The following EIF2AK1 variants were observed in gnomAD, a reference collection of about 807,000 sequenced individuals.
EIF2AK1 encodes the protein eukaryotic translation initiation factor 2-alpha kinase 1.
In EIF2AK1, 54 loss-of-function variants were observed where a neutral mutation model predicts 77.9. The ratio of observed to expected loss-of-function variants is 0.69; its 90% CI spans 0.56 to 0.87. EIF2AK1 has a LOEUF of 0.87. Among genes scored for constraint, EIF2AK1 ranks in the 40% least tolerant of loss-of-function variants. The pLI is 0.00. For synonymous variants in EIF2AK1, 314 were observed against 290.5 expected (o/e 1.08, Z -0.82); for missense variants, 810 against 768.6 (o/e 1.05, Z -0.64).
chr7:6,040,860 C>T (rs780604293), intron 9 of EIF2AK1, 32 bp downstream of exon 9: 1 of 1,582,230 alleles, frequency 6.3e-7, no homozygotes, highest in African/African-American at 1.3e-5. Flanking sequence ...CCAATACTGG[C>T]CAAATTAGGA....
Position 6,035,901 on chromosome 7 carries a change from G to GTCAGCTGCATCCGTCTGCTACTCAC in EIF2AK1, c.1332+1498_1332+1522dup. ...AGCAGGCCGACTCCTCGGGGCGGGG[G>GTCAGCTGCATCCGTCTGCTACTCAC]TCAGCTGCATCCGTCTGCTACTCAC... is the stretch of plus-strand genomic sequence containing the variant. On this transcript the variant is annotated intron_variant, in intron 11 of 14. Transcript: ENST00000199389. The surrounding 1 kb of genome is among the most constrained non-coding windows in gnomAD (Gnocchi z 5.5). The GTCAGCTGCATCCGTCTGCTACTCAC allele has an allele frequency of 6.5e-7, 1 of 1,546,870 alleles. No individual in the cohort carries two copies. The highest frequency in any genetic ancestry group is 1.2e-5 in the South Asian group (1 of 83,508).
chr7:6,032,590 T>C lies in EIF2AK1; in HGVS notation c.1333-3558A>G, dbSNP rs1017332729. Among the ~76,000 whole-genome samples the C allele has an allele frequency of 3.3e-5, 5 of 152,238 alleles. No homozygotes were observed. The highest frequency in any genetic ancestry group is 4.4e-5 in the Non-Finnish European group (3 of 68,046). ...CAACTTTCAAAAATTTCCAAAGCTT[T>C]TGAGTGTTATTTCTGTTGCCTCAGT... On this transcript the variant is annotated intron_variant, in intron 11 of 14. Coordinates refer to ENST00000199389, the MANE Select transcript of EIF2AK1 (RefSeq NM_014413.4). The surrounding 1 kb of genome is among the most constrained non-coding windows in gnomAD (Gnocchi z 4.3).
In EIF2AK1 at chr7:6,023,550, C is replaced by T. The variant is rs998944405; in HGVS notation, c.*1123G>A. 1.9e-6 allele frequency: 3 copies of T among 1,614,248 alleles called. No homozygotes were observed. The highest frequency in any genetic ancestry group is 1.7e-5 in the Admixed American group (1 of 60,024). On this transcript the variant is annotated 3_prime_UTR_variant, in exon 15 of 15. Transcript: ENST00000199389. ...GCCCTTGGCTCGCTGGGAATGAACT[C>T]ACCGTAGCAGACGTGGTGCTGTGGT...
At chr7:6,041,375 C>T (rs1788292119) in intron 8 of EIF2AK1, among the ~76,000 whole-genome samples, 156 bp from the exon 9 acceptor site, 2 of 151,340 alleles carry the variant, frequency 1.3e-5, no homozygotes, top group South Asian at 4.2e-4. Context: ...CCCATCTCAA[C>T]TAAAAACACA....
rs1400491800 is a variant in EIF2AK1, at chr7:6,033,944, C to G, written c.1332+3480G>C. Among the ~76,000 whole-genome samples, 2 of 152,118 alleles carry G rather than the reference C, an allele frequency of 1.3e-5. No individual in the cohort carries two copies. Among genetic ancestry groups the G allele is most frequent in the African/African-American group, 4.8e-5 (2 of 41,420 alleles). On this transcript the variant is annotated intron_variant, in intron 11 of 14. Transcript: ENST00000199389. This position sits in a 1 kb window ranked among gnomAD's most constrained non-coding sequence, Gnocchi z 4.4. ...AAAGAGAAGTTGACCTTGTGCACCACTGTATCTCCAGCACCTCAACCAAAT... is the reference window on the plus strand; with the variant it reads ...AAAGAGAAGTTGACCTTGTGCACCAGTGTATCTCCAGCACCTCAACCAAAT...
At chr7:6,031,632 G>C (rs1210957083) in intron 11 of EIF2AK1, 1 of 1,541,690 alleles carries the variant, frequency 6.5e-7, no homozygotes, top group Non-Finnish European at 8.8e-7. Flanking sequence ...AAAAAAGTCA[G>C]GCTGCTTAGA....
At chr7:6,056,908 C>T (rs555989029) in intron 1 of EIF2AK1, among the ~76,000 whole-genome samples, 29 of 151,560 alleles carry the variant, frequency 1.9e-4, no homozygotes, top group African/African-American at 6.5e-4. Context: ...AGTTATTTGT[C>T]CATTAAAAAA....
chr7:6,051,371 A>T (rs575252741), intron 2 of EIF2AK1, among the ~76,000 whole-genome samples: 1 of 149,096 alleles, frequency 6.7e-6, no homozygotes, highest in East Asian at 2.0e-4. Flanking sequence ...TCCAGGGTTC[A>T]TGCGATTTTC....
chr7:6,039,463 T>C (rs75778451), intron 9 of EIF2AK1, among the ~76,000 whole-genome samples: 5,771 of 150,636 alleles, frequency 0.038, 376 homozygotes, highest in African/African-American at 0.13. Flanking sequence ...CTACTAAAAA[T>C]ACAAAAAAAT....
At position 6,050,089 on chromosome 7, in the gene EIF2AK1, T is replaced by C. The variant is rs1219119233; in HGVS notation, c.278-44A>G. The C allele has an allele frequency of 2.0e-6, 3 of 1,534,626 alleles. No individual in the cohort carries two copies. In the Admixed American group the frequency reaches 5.9e-5, roughly 30 times the overall value. ...AAACTATTATTAGAAACATCTTTAA[T>C]AAAATGGCAATTTTAAAGTGTACAC... On this transcript the variant is annotated intron_variant, in intron 2 of 14. Transcript: ENST00000199389.
At chr7:6,044,950 A>C (rs1445230855) in intron 6 of EIF2AK1, among the ~76,000 whole-genome samples, 1 of 152,140 alleles carries the variant, frequency 6.6e-6, no homozygotes, top group Admixed American at 6.6e-5. Flanking sequence ...GGTAAGCTAT[A>C]ATGTTCGGTA....
At position 6,035,860 on chromosome 7, in the gene EIF2AK1, G is replaced by T. The variant is rs960104087; in HGVS notation, c.1332+1564C>A. ...AACACGCCCCTGAAGCTTGCAGTGTGCACTGCATCAAGCAAAGCAGGCCGA... is the reference window on the plus strand; with the variant it reads ...AACACGCCCCTGAAGCTTGCAGTGTTCACTGCATCAAGCAAAGCAGGCCGA... On this transcript the variant is annotated intron_variant, in intron 11 of 14. Transcript: ENST00000199389. The surrounding 1 kb of genome is among the most constrained non-coding windows in gnomAD (Gnocchi z 5.5). The T allele has an allele frequency of 1.0e-5, 16 of 1,547,940 alleles. No individual in the cohort carries two copies. In the East Asian group the frequency reaches 3.7e-4, roughly 36 times the overall value.
chr7:6,038,168 G>A (rs1415712591), intron 10 of EIF2AK1, among the ~76,000 whole-genome samples: 2 of 152,150 alleles, frequency 1.3e-5, no homozygotes, highest in East Asian at 1.9e-4. Context: ...AGACGCTCAC[G>A]CCTATAATCT....
At chr7:6,026,315 A>T (rs576828747) in intron 14 of EIF2AK1, 1 of 393,482 alleles carries the variant, frequency 2.5e-6, no homozygotes, top group East Asian at 7.2e-5. Flanking sequence ...GCAGGTGGTG[A>T]AGGGTCAGAG....
At chr7:6,045,553 C>G (rs1289825939) in intron 6 of EIF2AK1, among the ~76,000 whole-genome samples, 2 of 151,878 alleles carry the variant, frequency 1.3e-5, no homozygotes, top group Non-Finnish European at 2.9e-5. Flanking sequence ...TAAGTAAAAT[C>G]ACTACCGTCA....
chr7:6,059,115 G>C lies in EIF2AK1; in HGVS notation c.-32C>G, dbSNP rs757867904. On this transcript the variant is annotated 5_prime_UTR_variant, in exon 1 of 15. Coordinates refer to ENST00000199389, the MANE Select transcript of EIF2AK1 (RefSeq NM_014413.4). The stretch of plus-strand genomic sequence containing the variant: ...CCGCGCGCGGGCCGCAGCCCAGCCC[G>C]CCGGCCAGCCCAGCACTGCCACACT... The C allele has an allele frequency of 4.5e-6, 6 of 1,324,140 alleles. No homozygotes were observed. The East Asian group carries it at 1.6e-4, about 34-fold the overall frequency. The allele number at this position is 1,324,140 out of a possible 1,614,324, so 82.0% of individuals were successfully genotyped here.
At chr7:6,028,112 A>G (rs1787803315) in intron 13 of EIF2AK1, 3 of 349,000 alleles carry the variant, frequency 8.6e-6, no homozygotes, top group Non-Finnish European at 1.7e-5. Context: ...GTGGATTTTG[A>G]AATGGTAAAG....
chr7:6,047,544 G>T (rs1441876302), intron 4 of EIF2AK1, among the ~76,000 whole-genome samples: 3 of 151,772 alleles, frequency 2.0e-5, no homozygotes. Flanking sequence ...GTGGTGGCGG[G>T]TGCCTGTAAT....
chr7:6,034,695 C>T (rs1788025697), intron 11 of EIF2AK1, among the ~76,000 whole-genome samples: 1 of 152,196 alleles, frequency 6.6e-6, no homozygotes. Flanking sequence ...GAACTAAAAT[C>T]ATTTTCTAAT....
Sources: allele counts gnomAD v4.1 joint callset (sites outside exome capture counted in the v4.1 genomes callset), GRCh38; gene constraint gnomAD v4.1.1; non-coding constraint Gnocchi (gnomAD v3.1); transcripts MANE v1.5; gene names NCBI Gene and HGNC (gene_info 2026-07-23, HGNC 2026-07-21).